The following FER variants were observed in gnomAD, a reference collection of about 807,000 sequenced individuals.
FER encodes the protein tyrosine-protein kinase Fer.
Under a neutral mutation model 111.0 loss-of-function variants are expected in FER, and 63 were observed. That is an observed-to-expected ratio of 0.57 (90% confidence interval 0.46 to 0.70). The LOEUF (loss-of-function observed/expected upper bound fraction) is 0.70. Among genes scored for constraint, FER ranks in the 30% least tolerant of loss-of-function variants. The pLI is 0.00. For missense variants in FER, 914 were observed against 954.0 expected, an observed-to-expected ratio of 0.96 and a Z score of 0.55; for synonymous variants, 327 against 313.9, an observed-to-expected ratio of 1.04 and a Z score of -0.44.
intron 13 of FER, among the ~76,000 whole-genome samples, chr5:109,011,605 C>A (rs899823355): frequency 3.3e-5 from 5 of 152,160 alleles, no homozygotes; most frequent in Non-Finnish European, 7.4e-5. Flanking sequence ...TCTCACAAGG[C>A]ATTGTTTTCT....
intron 8 of FER, among the ~76,000 whole-genome samples, chr5:108,875,116 A>C (rs893535817): frequency 6.6e-6 from 1 of 152,172 alleles, no homozygotes; most frequent in East Asian, 1.9e-4. Context: ...TCTATCAGCC[A>C]TATTTATCAA....
intron 2 of FER, among the ~76,000 whole-genome samples, chr5:108,779,197 T>C (rs185930799): frequency 1.5e-4 from 23 of 152,314 alleles, no homozygotes; most frequent in Non-Finnish European, 2.8e-4. Flanking sequence ...CACACTTGTC[T>C]TGATTACTGT....
chr5:108,828,702 A>G (rs907894436), intron 3 of FER, among the ~76,000 whole-genome samples: 21 of 152,216 alleles, frequency 1.4e-4, no homozygotes, highest in African/African-American at 5.1e-4. Context: ...TCCTACTGGT[A>G]AAATTCAATT....
chr5:109,179,661 A>G (rs80043778), intron 17 of FER, among the ~76,000 whole-genome samples: 3,612 of 152,216 alleles, frequency 0.024, 70 homozygotes, highest in East Asian at 0.076. Context: ...AAACATACAA[A>G]CTTCCTTGTC....
intron 17 of FER, among the ~76,000 whole-genome samples, chr5:109,150,676 T>C (rs1754736943): frequency 6.6e-6 from 1 of 152,192 alleles, no homozygotes; most frequent in African/African-American, 2.4e-5. Context: ...CAGGAGACAA[T>C]ATATCTTTAA....
At chr5:108,751,708 A>G (rs146567019) in intron 1 of FER, among the ~76,000 whole-genome samples, 66 of 152,268 alleles carry the variant, frequency 4.3e-4, no homozygotes, top group African/African-American at 1.5e-3. Context: ...GAACTGCTTC[A>G]TGGAGACTGA....
intron 2 of FER, among the ~76,000 whole-genome samples, chr5:108,787,251 G>C (rs1476345841): frequency 6.6e-6 from 1 of 152,220 alleles, no homozygotes; most frequent in Non-Finnish European, 1.5e-5. Flanking sequence ...CATGCTCAGA[G>C]TGGTGCTGAT....
intron 17 of FER, among the ~76,000 whole-genome samples, chr5:109,165,716 A>G (rs1344048262): frequency 6.6e-6 from 1 of 152,020 alleles, no homozygotes; most frequent in African/African-American, 2.4e-5. Flanking sequence ...ACTATTCATG[A>G]GGGAAATCAG....
chr5:109,173,558 C>G (rs1054874883), intron 17 of FER, among the ~76,000 whole-genome samples: 1 of 152,280 alleles, frequency 6.6e-6, no homozygotes, highest in Non-Finnish European at 1.5e-5. Flanking sequence ...TCAGAATTCT[C>G]CCAGTGCCCA....
intron 13 of FER, among the ~76,000 whole-genome samples, chr5:109,022,350 T>C (rs1768043636): frequency 6.6e-6 from 1 of 152,042 alleles, no homozygotes; most frequent in Non-Finnish European, 1.5e-5. Flanking sequence ...AGATACCACA[T>C]ACTAGGCTAC....
chr5:109,097,883 C>G (rs1747733232), intron 16 of FER, among the ~76,000 whole-genome samples: 1 of 151,646 alleles, frequency 6.6e-6, no homozygotes, highest in Non-Finnish European at 1.5e-5. Context: ...CCTTGCTTCC[C>G]TCTAGTTTTC....
At chr5:108,796,276 C>G (rs1372762311) in intron 2 of FER, among the ~76,000 whole-genome samples, 1 of 152,176 alleles carries the variant, frequency 6.6e-6, no homozygotes, top group African/African-American at 2.4e-5. Context: ...TGGGGTGACA[C>G]AGTCACCCAT....
intron 2 of FER, among the ~76,000 whole-genome samples, chr5:108,792,787 A>C (rs1450841170): frequency 7.9e-5 from 12 of 151,634 alleles, no homozygotes; most frequent in Admixed American, 7.9e-4. Flanking sequence ...TGGTATCTAG[A>C]AATATAATTT....
intron 17 of FER, among the ~76,000 whole-genome samples, chr5:109,102,038 GTT>G (rs770217573): frequency 5.7e-4 from 87 of 152,108 alleles, no homozygotes; most frequent in Non-Finnish European, 9.7e-4. Flanking sequence ...GAGGACCATT[GTT>G]TCAATCTCTT....
chr5:109,018,893 A>C (rs1312977438), intron 13 of FER, among the ~76,000 whole-genome samples: 1 of 151,626 alleles, frequency 6.6e-6, no homozygotes, highest in Non-Finnish European at 1.5e-5. Context: ...AAAATAGAAC[A>C]GGAAACCTTG....
intron 17 of FER, among the ~76,000 whole-genome samples, chr5:109,168,115 A>G (rs544261731): frequency 1.3e-5 from 2 of 152,204 alleles, no homozygotes; most frequent in Non-Finnish European, 2.9e-5. Context: ...TTCATACAAT[A>G]TGATGGACTG....
In FER at chr5:109,190,369, A is replaced by G. The variant is rs907195602; in HGVS notation, c.*2794A>G. The G allele has an allele frequency of 6.6e-6, 1 of 151,958 alleles. No homozygotes were observed. The highest frequency in any genetic ancestry group is 2.4e-5 in the African/African-American group (1 of 41,386). 9.4% of individuals were successfully genotyped at this position (151,958 alleles called of 1,614,324 possible). ...TGTTAATGGATTATTCAAGATATATATATATATTCTTACTACTGCATAGTT... is the reference window on the plus strand; with the variant it reads ...TGTTAATGGATTATTCAAGATATATGTATATATTCTTACTACTGCATAGTT... On this transcript the variant is annotated 3_prime_UTR_variant, in exon 20 of 20. Coordinates refer to ENST00000281092, the MANE Select transcript of FER (RefSeq NM_005246.4).
At chr5:109,159,123 G>T (rs1208215640) in intron 17 of FER, among the ~76,000 whole-genome samples, 5 of 151,904 alleles carry the variant, frequency 3.3e-5, no homozygotes, top group Non-Finnish European at 5.9e-5. Flanking sequence ...TGGCCAGTTG[G>T]GTAAAAGCTA....
intron 13 of FER, among the ~76,000 whole-genome samples, chr5:108,965,830 A>T (rs1458131381): frequency 1.3e-5 from 2 of 152,212 alleles, no homozygotes; most frequent in African/African-American, 4.8e-5. Context: ...TCTAGCAGAG[A>T]CTATAAGCGT....
Sources: allele counts gnomAD v4.1 joint callset (sites outside exome capture counted in the v4.1 genomes callset), GRCh38; gene constraint gnomAD v4.1.1; transcripts MANE v1.5; gene names NCBI Gene and HGNC (gene_info 2026-07-23, HGNC 2026-07-21).